The following INSR variants were observed in gnomAD, a reference collection of about 807,000 sequenced individuals.
INSR encodes insulin receptor, also known as IR.
A neutral mutation model predicts 142.6 loss-of-function variants in INSR; 67 were observed. The observed-to-expected ratio is 0.47, with a 90% CI of 0.39 to 0.58. The LOEUF (loss-of-function observed/expected upper bound fraction) is 0.58, where lower values mean the gene tolerates loss of function less well. Among genes scored for constraint, INSR ranks in the 20% least tolerant of loss-of-function variants. The pLI, the probability that INSR is intolerant of heterozygous loss-of-function variation, is 0.00. For missense variants in INSR, 1,248 were observed against 1,833.2 expected (o/e 0.68, Z 5.83); for synonymous variants, 756 against 743.1 (o/e 1.02, Z -0.28).
intron 2 of INSR, among the ~76,000 whole-genome samples, chr19:7,243,730 G>T (rs775581242): frequency 3.3e-5 from 5 of 152,158 alleles, no homozygotes; most frequent in Non-Finnish European, 5.9e-5. Context: ...TTTCACTCAT[G>T]AACACAGATG....
intron 13 of INSR, among the ~76,000 whole-genome samples, chr19:7,137,257 G>T (rs1368014387): frequency 8.6e-6 from 1 of 115,808 alleles, no homozygotes; most frequent in Non-Finnish European, 1.8e-5. Flanking sequence ...CAATAAAGCT[G>T]TTTCTAAATT....
intron 2 of INSR, among the ~76,000 whole-genome samples, chr19:7,251,299 G>T (rs1385231625): frequency 6.6e-6 from 1 of 151,932 alleles, no homozygotes; most frequent in African/African-American, 2.4e-5. Context: ...GCTCTGTCAC[G>T]CAGGCTGGAG....
chr19:7,286,637 C>T (rs1376936885), intron 1 of INSR, among the ~76,000 whole-genome samples: 1 of 151,636 alleles, frequency 6.6e-6, no homozygotes, highest in East Asian at 1.9e-4. Flanking sequence ...TTCCTCCCAC[C>T]TCAGCTTCCT....
At chr19:7,212,449 T>A (rs1166164130) in intron 2 of INSR, among the ~76,000 whole-genome samples, 1 of 152,216 alleles carries the variant, frequency 6.6e-6, no homozygotes, top group African/African-American at 2.4e-5. Flanking sequence ...CCCATTCATC[T>A]GTCCAAGATT....
intron 13 of INSR, among the ~76,000 whole-genome samples, chr19:7,140,528 C>A (rs1219290427): frequency 6.6e-6 from 1 of 152,116 alleles, no homozygotes; most frequent in Non-Finnish European, 1.5e-5. Context: ...ATCAGTCATG[C>A]ATTTGGATCA....
chr19:7,143,882 C>A (rs911788365), intron 11 of INSR, among the ~76,000 whole-genome samples: 1 of 152,036 alleles, frequency 6.6e-6, no homozygotes, highest in East Asian at 1.9e-4. Context: ...TGGGGAAACC[C>A]CGTCTCTACT....
At chr19:7,124,930 G>C (rs1972609329) in intron 17 of INSR, among the ~76,000 whole-genome samples, 1 of 151,802 alleles carries the variant, frequency 6.6e-6, no homozygotes, top group Admixed American at 6.6e-5. Context: ...AGAAATGGAA[G>C]AGTCTAAAAA....
chr19:7,123,919 T>A (rs925863317), intron 17 of INSR, among the ~76,000 whole-genome samples: 1 of 149,136 alleles, frequency 6.7e-6, no homozygotes, highest in Non-Finnish European at 1.5e-5. Flanking sequence ...AGAGACTCTG[T>A]CTTAAAAATA....
chr19:7,132,550 G>A (rs1357404638), intron 13 of INSR, among the ~76,000 whole-genome samples: 2 of 151,786 alleles, frequency 1.3e-5, no homozygotes, highest in East Asian at 3.9e-4. Context: ...GACTTCCTAA[G>A]CCAGAAGCTG....
At chr19:7,199,009 G>A (rs1415987729) in intron 2 of INSR, among the ~76,000 whole-genome samples, 1 of 151,282 alleles carries the variant, frequency 6.6e-6, no homozygotes, top group South Asian at 2.1e-4. Flanking sequence ...TCAGCCTCCC[G>A]AGTAGCTGGG....
chr19:7,245,715 G>A (rs560303575), intron 2 of INSR, among the ~76,000 whole-genome samples: 79 of 152,010 alleles, frequency 5.2e-4, no homozygotes, highest in African/African-American at 1.6e-3. Flanking sequence ...CAAAATGCTG[G>A]GATTGCAGGC....
intron 3 of INSR, among the ~76,000 whole-genome samples, chr19:7,176,050 C>T (rs77270715): frequency 0.029 from 4,483 of 152,292 alleles, 75 homozygotes; most frequent in Middle Eastern, 0.065. Context: ...ATGGGATTCA[C>T]ACCATATCCC....
chr19:7,270,810 C>T (rs1189901926), intron 1 of INSR, among the ~76,000 whole-genome samples: 2 of 151,552 alleles, frequency 1.3e-5, no homozygotes, highest in African/African-American at 2.4e-5. Flanking sequence ...GCTGTAATCC[C>T]AGCACTTTGG....
intron 2 of INSR, among the ~76,000 whole-genome samples, chr19:7,238,355 C>T (rs10422199): frequency 0.23 from 35,127 of 151,942 alleles, 4,940 homozygotes; most frequent in African/African-American, 0.39. Context: ...CTCAGTGGCT[C>T]ACGCCTGTAA....
At position 7,258,428 on chromosome 19, in the gene INSR, TA is replaced by T. The variant is rs970677599; in HGVS notation, c.652+8916del. Among the ~76,000 whole-genome samples the T allele has an allele frequency of 8.0e-5, 10 of 124,970 alleles. 3 individuals are homozygous for T. Among genetic ancestry groups the T allele is most frequent in the Non-Finnish European group, 1.1e-4 (6 of 53,588 alleles). 82.0% of individuals were successfully genotyped at this position (124,970 alleles called of 152,430 possible). ...CCCATCTCTAAAAATAAAAATAAAATAAAAAATTCTTAGCTCATAGGTCATA... is the reference window on the plus strand; with the variant it reads ...CCCATCTCTAAAAATAAAAATAAAATAAAAATTCTTAGCTCATAGGTCATA... On this transcript the variant is annotated intron_variant, in intron 2 of 21. Coordinates refer to ENST00000302850, the MANE Select transcript of INSR (RefSeq NM_000208.4).
intron 2 of INSR, among the ~76,000 whole-genome samples, chr19:7,212,928 C>T (rs574729813): frequency 4.8e-4 from 73 of 152,242 alleles, no homozygotes; most frequent in Non-Finnish European, 9.3e-4. Context: ...CCTCTAGCAG[C>T]CCTCTCCAGC....
intron 2 of INSR, among the ~76,000 whole-genome samples, chr19:7,210,562 C>T (rs1975245929): frequency 6.6e-6 from 1 of 152,076 alleles, no homozygotes; most frequent in African/African-American, 2.4e-5. Flanking sequence ...GCCTGGTCCT[C>T]AGTTTCCCTG....
At chr19:7,178,611 C>T (rs902873470) in intron 3 of INSR, among the ~76,000 whole-genome samples, 1 of 152,060 alleles carries the variant, frequency 6.6e-6, no homozygotes, top group South Asian at 2.1e-4. Flanking sequence ...CCCAGCTACT[C>T]GGGGGGCTGA....
intron 2 of INSR, among the ~76,000 whole-genome samples, chr19:7,214,481 G>C (rs1476371044): frequency 1.3e-5 from 2 of 152,188 alleles, no homozygotes; most frequent in African/African-American, 2.4e-5. Flanking sequence ...CTCTAACCTG[G>C]CCTGAGGTCC....
Sources: gnomAD v4.1 joint callset for allele counts (sites outside exome capture counted in the v4.1 genomes callset) on GRCh38, gnomAD v4.1.1 for gene constraint, MANE v1.5 for transcripts, NCBI Gene and HGNC (gene_info 2026-07-23, HGNC 2026-07-21) for gene names.